HNF4A: variants seen among roughly 807,000 people sequenced by gnomAD.
HNF4A encodes hepatocyte nuclear factor 4-alpha.
HNF4A carries 15 observed loss-of-function variants against 52.4 expected under a neutral mutation model. That is an observed-to-expected ratio of 0.29 (90% CI 0.19 to 0.44). The LOEUF (loss-of-function observed/expected upper bound fraction) is 0.44. Among genes scored for constraint, HNF4A ranks in the 20% least tolerant of loss-of-function variants. The pLI, the probability that HNF4A is intolerant of heterozygous loss-of-function variation, is 1.00. For missense variants in HNF4A, 479 were observed against 647.2 expected (o/e 0.74, Z 2.82); for synonymous variants, 280 against 264.4 (o/e 1.06, Z -0.57).
In HNF4A at chr20:44,387,656, G is replaced by T. The variant is rs1273147655; in HGVS notation, c.50-18402G>T. 2.1e-4 allele frequency among the ~76,000 whole-genome samples: 6 copies of T among 29,266 alleles called. No individual in the cohort carries two copies. The South Asian group carries it at 7.8e-3, about 38-fold the overall frequency. 19.2% of individuals were successfully genotyped at this position (29,266 alleles called of 152,430 possible). A position where few individuals can be genotyped will look rare whatever the true frequency, so the allele number is the denominator to read the frequency against. On this transcript the variant is annotated intron_variant, in intron 1 of 9. Coordinates refer to the HNF4A transcript ENST00000316673. ...GTGAAGGGGTGGGGTGGAGGCAGGC[G>T]GGGGGGGGGGGAGGCGGGGGGGGCG... is the stretch of plus-strand genomic sequence containing the variant.
At chr20:44,357,777 C>T (rs368535407) in intron 1 of HNF4A, among the ~76,000 whole-genome samples, 121 of 151,790 alleles carry the variant, frequency 8.0e-4, no homozygotes, top group African/African-American at 2.9e-3. Flanking sequence ...ATTTTCCAAA[C>T]GGCTGTCTGA....
At chr20:44,385,017 GATGCTGATATTTCCTAAGTGGTTTC>G (rs890700771) in intron 1 of HNF4A, among the ~76,000 whole-genome samples, 1 of 138,548 alleles carries the variant, frequency 7.2e-6, no homozygotes, top group African/African-American at 2.7e-5. Context: ...GGGAGGTGGG[GATGCTGATATTTCCTAAGTGGTTTC>G]AGCTGAACTC....
chr20:44,368,112 A>G (rs1271732767), intron 1 of HNF4A, among the ~76,000 whole-genome samples: 27 of 103,072 alleles, frequency 2.6e-4, no homozygotes, highest in African/African-American at 8.6e-4. Flanking sequence ...GTGTGTGTGT[A>G]TACATATATG....
chr20:44,421,339 CAGCATCAAA>C (rs2063741622), intron 7 of HNF4A, among the ~76,000 whole-genome samples: 1 of 152,150 alleles, frequency 6.6e-6, no homozygotes, highest in Admixed American at 6.5e-5. Flanking sequence ...TTTTGTTTCC[CAGCATCAAA>C]GGTGCCTGAA....
At chr20:44,411,468 CG>C (rs2063581105) in intron 3 of HNF4A, among the ~76,000 whole-genome samples, 1 of 147,840 alleles carries the variant, frequency 6.8e-6, no homozygotes, top group African/African-American at 2.5e-5. Flanking sequence ...TTCCGCCCGC[CG>C]GCCACTCGGC....
chr20:44,358,991 T>C (rs1342095021), intron 1 of HNF4A, among the ~76,000 whole-genome samples: 2 of 152,188 alleles, frequency 1.3e-5, no homozygotes, highest in Admixed American at 6.5e-5. Flanking sequence ...GGCTTTGCGG[T>C]TCTCGTCATC....
chr20:44,379,797 G>A (rs977192342), intron 1 of HNF4A, among the ~76,000 whole-genome samples: 3 of 144,888 alleles, frequency 2.1e-5, no homozygotes, highest in Non-Finnish European at 3.0e-5. Context: ...GCAGTGGCGC[G>A]ATCTTGGCTC....
At chr20:44,365,239 G>A (rs1468019936) in intron 1 of HNF4A, among the ~76,000 whole-genome samples, 1 of 152,056 alleles carries the variant, frequency 6.6e-6, no homozygotes, top group Non-Finnish European at 1.5e-5. Context: ...CACAATCATG[G>A]TTCACTGCAG....
chr20:44,387,447 G>T (rs2063239700), intron 1 of HNF4A, among the ~76,000 whole-genome samples: 1 of 151,506 alleles, frequency 6.6e-6, no homozygotes, highest in East Asian at 1.9e-4. Flanking sequence ...GACACGGAGG[G>T]ATATAAAAAC....
intron 1 of HNF4A, 116 bp downstream of exon 1, chr20:44,355,969 G>C: frequency 1.2e-6 from 1 of 862,450 alleles, no homozygotes; most frequent in Non-Finnish European, 1.8e-6. Context: ...GAGCTCCTCT[G>C]GAAGGGCAGG....
chr20:44,419,625 A>G lies in HNF4A; in HGVS notation c.737-96A>G, dbSNP rs997772048. 5 of 1,146,552 alleles carry G rather than the reference A, an allele frequency of 4.4e-6. No individual in the cohort carries two copies. In the African/African-American group the frequency reaches 7.6e-5, roughly 17 times the overall value. The allele number at this position is 1,146,552 out of a possible 1,614,324, so 71.0% of individuals were successfully genotyped here. A position where few individuals can be genotyped will look rare whatever the true frequency, so the allele number is the denominator to read the frequency against. On this transcript the variant is annotated intron_variant, in intron 6 of 9. Transcript: ENST00000316099. ...CCATCCCTGCAGGTCCTCCTCCCACAGGCACCAGCTATCTTGCCAACTTAA... is the reference window on the plus strand; with the variant it reads ...CCATCCCTGCAGGTCCTCCTCCCACGGGCACCAGCTATCTTGCCAACTTAA...
intron 1 of HNF4A, among the ~76,000 whole-genome samples, chr20:44,386,917 G>A (rs901681250): frequency 2.6e-5 from 4 of 151,784 alleles, no homozygotes; most frequent in African/African-American, 4.8e-5. Context: ...TACCTGTTAC[G>A]CACCGAGCAC....
In HNF4A at chr20:44,419,825, A is replaced by C; in HGVS notation, c.841A>C (p.Ile281Leu). The change falls in exon 7 of 10, where the codon ATC (isoleucine) becomes CTC (leucine). Residue 281 changes from isoleucine to leucine, a missense_variant. Ile to Leu is a conservative substitution (Grantham distance 5). Transcript: ENST00000316099. ...GGTGCTGCCCTTCCAGGAGCTGCAG[A>C]TCGATGACAATGAGTATGCCTACCT... The C allele has an allele frequency of 6.2e-7, 1 of 1,614,120 alleles. No homozygotes were observed. Among genetic ancestry groups the C allele is most frequent in the South Asian group, 1.1e-5 (1 of 91,072 alleles).
chr20:44,425,577 A>AAAC, intron 8 of HNF4A, among the ~76,000 whole-genome samples: 1 of 152,234 alleles, frequency 6.6e-6, no homozygotes, highest in East Asian at 1.9e-4. Flanking sequence ...AGGACAGAAT[A>AAAC]AACAACAAGA....
intron 1 of HNF4A, among the ~76,000 whole-genome samples, chr20:44,369,656 TTTTC>T (rs560563292): frequency 5.9e-5 from 9 of 151,824 alleles, no homozygotes; most frequent in Non-Finnish European, 1.0e-4. Flanking sequence ...CCTGAGCTCT[TTTTC>T]TTTCTTTCTT....
chr20:44,388,382 C>CCCCCCG (rs1568706672), intron 1 of HNF4A, among the ~76,000 whole-genome samples: 1 of 114,132 alleles, frequency 8.8e-6, no homozygotes, highest in Non-Finnish European at 1.7e-5. Flanking sequence ...ACCCCCCCCA[C>CCCCCCG]CCCCGTACAT....
chr20:44,357,769 T>C (rs2062873937), intron 1 of HNF4A, among the ~76,000 whole-genome samples: 1 of 151,934 alleles, frequency 6.6e-6, no homozygotes, highest in Non-Finnish European at 1.5e-5. Flanking sequence ...GCTGTTTCAT[T>C]TTCCAAACGG....
chr20:44,408,881 G>A (rs952320743), intron 3 of HNF4A, among the ~76,000 whole-genome samples: 1 of 151,812 alleles, frequency 6.6e-6, no homozygotes, highest in Admixed American at 6.6e-5. Flanking sequence ...CTGCTAGTTC[G>A]GTACAAACAC....
intron 1 of HNF4A, among the ~76,000 whole-genome samples, chr20:44,379,496 A>G (rs1008549029): frequency 1.3e-5 from 2 of 152,024 alleles, no homozygotes; most frequent in Admixed American, 6.6e-5. Context: ...GTTGTTTTAT[A>G]ATATCCATCC....
Sources: gnomAD v4.1 joint callset for allele counts (sites outside exome capture counted in the v4.1 genomes callset) on GRCh38, gnomAD v4.1.1 for gene constraint, MANE v1.5 for transcripts, NCBI Gene and HGNC (gene_info 2026-07-23, HGNC 2026-07-21) for gene names.